DNAI4: variants seen among roughly 807,000 people sequenced by gnomAD.
DNAI4 encodes the protein dynein axonemal intermediate chain 4.
Under a neutral mutation model 105.8 loss-of-function variants are expected in DNAI4, and 85 were observed. The ratio of observed to expected loss-of-function variants is 0.80; its 90% CI spans 0.67 to 0.96. DNAI4 has a LOEUF of 0.96. Among genes scored for constraint, DNAI4 ranks in the 40% least tolerant of loss-of-function variants. The pLI is 0.00. For missense variants in DNAI4, 1,014 were observed against 1,005.6 expected, an observed-to-expected ratio of 1.01 and a Z score of -0.11; for synonymous variants, 352 against 331.5, an observed-to-expected ratio of 1.06 and a Z score of -0.67.
At chr1:66,919,157 G>A (rs1326257586) in intron 1 of DNAI4, 2 of 429,024 alleles carry the variant, frequency 4.7e-6, no homozygotes, top group Non-Finnish European at 9.5e-6. Context: ...ACCACCTTAG[G>A]CACATGTTGC....
chr1:66,816,906 T>G (rs1382516958), intron 16 of DNAI4, among the ~76,000 whole-genome samples: 1 of 152,052 alleles, frequency 6.6e-6, no homozygotes, highest in Non-Finnish European at 1.5e-5. Context: ...TATATTCCAG[T>G]CTATATTTTA....
At chr1:66,888,420 C>A (rs189929555) in intron 4 of DNAI4, among the ~76,000 whole-genome samples, 3 of 151,980 alleles carry the variant, frequency 2.0e-5, no homozygotes, top group Non-Finnish European at 2.9e-5. Context: ...AACGGCTGGG[C>A]GTGGTGGCTC....
chr1:66,867,145 C>G (rs916519518), intron 6 of DNAI4, among the ~76,000 whole-genome samples: 1 of 152,206 alleles, frequency 6.6e-6, no homozygotes, highest in Non-Finnish European at 1.5e-5. Flanking sequence ...TGGGTGGGAA[C>G]ACAGCCAAGC....
chr1:66,822,411 C>A lies in DNAI4; in HGVS notation c.2446G>T (p.Val816Phe). 3 of 1,613,020 alleles carry A rather than the reference C, an allele frequency of 1.9e-6. No homozygotes were observed. Among genetic ancestry groups the A allele is most frequent in the Non-Finnish European group, 2.5e-6 (3 of 1,179,610 alleles). ...ATATTTCTCAGTTCATACACAGAAA[C>A]CTGTCCATCACTGTCTCCTACCAGA... ...CLLVGDSDGQ[V>F]SVYELRNMPT... The change falls in exon 16 of 17, where the codon GTT becomes TTT. Residue 816 changes from valine (V) to phenylalanine (F), a missense_variant. By Grantham distance (50) the Val-to-Phe change is conservative (BLOSUM62 -1). Transcript: ENST00000371026.
Position 66,826,826 on chromosome 1 carries a change from A to C in DNAI4, c.2333T>G (p.Ile778Ser). 2 of 1,613,958 alleles carry C rather than the reference A, an allele frequency of 1.2e-6. No homozygotes were observed. Among genetic ancestry groups the C allele is most frequent in the Non-Finnish European group, 1.7e-6 (2 of 1,179,956 alleles). The change falls in exon 15 of 17, where the codon ATC (isoleucine) becomes AGC (serine). Residue 778 changes from isoleucine (I) to serine (S), a missense_variant. By Grantham distance (142) the Ile-to-Ser change is moderately radical. Coordinates refer to ENST00000371026, the MANE Select transcript of DNAI4 (RefSeq NM_024763.5). Reference sequence around the variant, plus strand: ...AAGAAAAATAGTAACTTACGTGCTGATATGAAGGTCCCAAATCTCCACCCT... The same window carrying C: ...AAGAAAAATAGTAACTTACGTGCTGCTATGAAGGTCCCAAATCTCCACCCT... ...ENRVEIWDLH[I>S]STLDPLIVNT...
chr1:66,845,862 G>A (rs898998099), intron 8 of DNAI4, among the ~76,000 whole-genome samples: 1 of 150,874 alleles, frequency 6.6e-6, no homozygotes, highest in Non-Finnish European at 1.5e-5. Flanking sequence ...GTGTGGTGGG[G>A]GTTGGGGGGT....
At chr1:66,871,145 T>C (rs941302712) in intron 6 of DNAI4, 4 of 466,820 alleles carry the variant, frequency 8.6e-6, no homozygotes, top group Non-Finnish European at 1.5e-5. Context: ...TGATATAGTA[T>C]GCATAAAAAC....
In DNAI4 at chr1:66,840,499, C is replaced by T. The variant is rs1489930731; in HGVS notation, c.1464G>A (p.Val488=). ...TTGTTTTATTCCAGGCAAGGCTGCT[C>T]ACATTGAGGCCTTTGGTTAAGTCAC... ...FSCDLTKGLN[V]SSLAWNKTNP... is the part of the protein sequence containing the mutation. The change falls in exon 9 of 17, where the codon GTG becomes GTA. Residue 488 remains valine (V), a synonymous_variant. Transcript: ENST00000371026. 12 of 1,614,082 alleles carry T rather than the reference C, an allele frequency of 7.4e-6. No homozygotes were observed. The highest frequency in any genetic ancestry group is 9.3e-6 in the Non-Finnish European group (11 of 1,180,050).
intron 1 of DNAI4, among the ~76,000 whole-genome samples, chr1:66,913,102 G>A (rs1324149330): frequency 6.6e-6 from 1 of 152,070 alleles, no homozygotes; most frequent in Non-Finnish European, 1.5e-5. Context: ...GGGTTTTTTG[G>A]TTTGTTTGTT....
chr1:66,867,581 G>T (rs1400367181), intron 6 of DNAI4, among the ~76,000 whole-genome samples: 4 of 150,878 alleles, frequency 2.7e-5, no homozygotes, highest in African/African-American at 9.8e-5. Flanking sequence ...TTCTGTTCTT[G>T]TTCCATGAAT....
At chr1:66,914,625 A>T (rs963029982) in intron 1 of DNAI4, among the ~76,000 whole-genome samples, 1 of 152,114 alleles carries the variant, frequency 6.6e-6, no homozygotes, top group Non-Finnish European at 1.5e-5. Flanking sequence ...GTTTCCTTTA[A>T]CATGCACATT....
intron 2 of DNAI4, among the ~76,000 whole-genome samples, chr1:66,901,110 TC>T (rs112525677): frequency 7.0e-4 from 107 of 152,326 alleles, no homozygotes; most frequent in African/African-American, 2.4e-3. Context: ...AAGATGCTTT[TC>T]CCTTCAATTT....
At chr1:66,901,604 A>G (rs1047461623) in intron 2 of DNAI4, among the ~76,000 whole-genome samples, 1 of 152,120 alleles carries the variant, frequency 6.6e-6, no homozygotes, top group African/African-American at 2.4e-5. Context: ...TTGTGTATCC[A>G]GTCATTTGTG....
rs574376001 is a variant in DNAI4, at chr1:66,876,529, A to C, written c.644-1592T>G. ...TAGTCTAGTCAACCTTCTTGATGGC[A>C]GAGGACTTACCATTCATAGACAAAG... On this transcript the variant is annotated intron_variant, in intron 4 of 16. Coordinates refer to ENST00000371026, the MANE Select transcript of DNAI4 (RefSeq NM_024763.5). Among the ~76,000 whole-genome samples the C allele has an allele frequency of 5.9e-5, 9 of 152,302 alleles. No individual in the cohort carries two copies. The South Asian group carries it at 1.9e-3, about 32-fold the overall frequency.
chr1:66,877,915 A>T (rs533213308), intron 4 of DNAI4, among the ~76,000 whole-genome samples: 2 of 152,292 alleles, frequency 1.3e-5, no homozygotes, highest in East Asian at 3.9e-4. Context: ...TCATCATATC[A>T]TATCAAAGAT....
intron 6 of DNAI4, among the ~76,000 whole-genome samples, chr1:66,868,766 T>A (rs1646782598): frequency 6.6e-6 from 1 of 152,000 alleles, no homozygotes; most frequent in South Asian, 2.1e-4. Context: ...AATCGCTTTA[T>A]AAATAAATAC....
chr1:66,888,661 C>G (rs1300859142), intron 4 of DNAI4, among the ~76,000 whole-genome samples: 2 of 152,202 alleles, frequency 1.3e-5, no homozygotes, highest in East Asian at 3.9e-4. Flanking sequence ...CCACTGAACT[C>G]TAGCCTGGGT....
intron 5 of DNAI4, among the ~76,000 whole-genome samples, chr1:66,872,824 TGCC>T (rs1194730481): frequency 1.3e-5 from 2 of 152,044 alleles, no homozygotes; most frequent in African/African-American, 4.8e-5. Context: ...GCAATTCTCG[TGCC>T]TCAGCCTCCT....
rs747779250 is a variant in DNAI4, at chr1:66,847,637, G to C, written c.1138C>G (p.Leu380Val). 9.9e-6 allele frequency: 16 copies of C among 1,612,906 alleles called. No homozygotes were observed. The highest frequency in any genetic ancestry group is 1.4e-5 in the Non-Finnish European group (16 of 1,179,644). Residue 380 changes from leucine to valine, a missense_variant, in exon 8 of 17, where the codon CTG becomes GTG. By Grantham distance (32) the Leu-to-Val change is conservative. Coordinates refer to ENST00000371026, the MANE Select transcript of DNAI4 (RefSeq NM_024763.5). ...SSLMDIENVI[L>V]AKIHEDEEDH... ...TCCTCATCTTCATGGATTTTTGCCA[G>C]AATTACATTTTCTATGTCCATTAGA...
Sources: gnomAD v4.1 joint callset for allele counts (sites outside exome capture counted in the v4.1 genomes callset) on GRCh38, gnomAD v4.1.1 for gene constraint, MANE v1.5 for transcripts, NCBI Gene and HGNC (gene_info 2026-07-23, HGNC 2026-07-21) for gene names.